Variants in C2orf78 observed in about 807,000 individuals in gnomAD.
C2orf78 encodes chromosome 2 open reading frame 78.
A neutral mutation model predicts 21.4 loss-of-function variants in C2orf78; 12 were observed. The ratio of observed to expected loss-of-function variants is 0.56; its 90% CI spans 0.36 to 0.91. The LOEUF (loss-of-function observed/expected upper bound fraction) is 0.91, where lower values mean the gene tolerates loss of function less well. Ranked by LOEUF, C2orf78 falls within the 40% of genes least tolerant of loss-of-function variation. The pLI is 0.01. For missense variants in C2orf78, 1,042 were observed against 1,092.4 expected (o/e 0.95, Z 0.65); for synonymous variants, 396 against 413.9 (o/e 0.96, Z 0.52).
Position 73,816,099 on chromosome 2 carries a change from C to T in C2orf78, c.1876C>T (p.Leu626=), listed in dbSNP as rs1673189963. ...GACCCTTAAAAAGCCCCGAAGCTCCCTAGGCATGCACATGCTAGAGTCCGT... is the reference window on the plus strand; with the variant it reads ...GACCCTTAAAAAGCCCCGAAGCTCCTTAGGCATGCACATGCTAGAGTCCGT... The change falls in exon 3 of 3, where the codon CTA becomes TTA. Residue 626 remains leucine (L), a synonymous_variant. Coordinates refer to ENST00000409561, the Ensembl canonical transcript of C2orf78. 3.7e-6 allele frequency: 6 copies of T among 1,613,912 alleles called. No homozygotes were observed. In the East Asian group the frequency reaches 1.3e-4, roughly 36 times the overall value.
chr2:73,811,484 T>G (rs551595936), intron 1 of C2orf78, among the ~76,000 whole-genome samples: 6 of 152,186 alleles, frequency 3.9e-5, no homozygotes, highest in Non-Finnish European at 7.4e-5. Flanking sequence ...GAACAATACC[T>G]TTGCATGAAA....
At chr2:73,811,760 G>T (rs1401694773) in intron 1 of C2orf78, among the ~76,000 whole-genome samples, 1 of 151,922 alleles carries the variant, frequency 6.6e-6, no homozygotes, top group Non-Finnish European at 1.5e-5. Context: ...CGTTGGAGAT[G>T]ATTATAATCT....
chr2:73,814,014 A>G, exon 2 of C2orf78: 7 of 1,614,010 alleles, frequency 4.3e-6, no homozygotes, highest in Non-Finnish European at 5.9e-6. Context: ...AGCCAGGTCT[A>G]TTACTATAAT....
At chr2:73,813,288 T>C (rs903626008) in intron 1 of C2orf78, among the ~76,000 whole-genome samples, 189 bp from the exon 2 acceptor site, 2 of 152,158 alleles carry the variant, frequency 1.3e-5, no homozygotes, top group East Asian at 3.8e-4. Context: ...ACAAAGACAG[T>C]TCATCAGAAG....
At chr2:73,810,740 A>G (rs1448976925) in intron 1 of C2orf78, among the ~76,000 whole-genome samples, 1 of 132,482 alleles carries the variant, frequency 7.5e-6, no homozygotes, top group Non-Finnish European at 1.6e-5. Flanking sequence ...CATAAAATAT[A>G]CATGTATATT....
At chr2:73,810,695 T>TTA (rs968106746) in intron 1 of C2orf78, among the ~76,000 whole-genome samples, 13 of 132,698 alleles carry the variant, frequency 9.8e-5, no homozygotes, top group African/African-American at 1.4e-4. Context: ...CATATATATT[T>TTA]TATATATATA....
exon 1 of C2orf78, chr2:73,784,385 T>C (rs1310377538): frequency 2.1e-5 from 24 of 1,164,336 alleles, no homozygotes; most frequent in Non-Finnish European, 2.9e-5. Context: ...AGTTGATGTT[T>C]CTTCTTCTCT....
At chr2:73,810,811 G>A (rs1231987823) in intron 1 of C2orf78, among the ~76,000 whole-genome samples, 1 of 70,702 alleles carries the variant, frequency 1.4e-5, no homozygotes, top group East Asian at 4.6e-4. Flanking sequence ...TAATATACAT[G>A]TATAATTAAT....
chr2:73,814,254 G>A lies in C2orf78; in HGVS notation c.847+28G>A, dbSNP rs746535103. On this transcript the variant is annotated intron_variant, in intron 2 of 2. Coordinates refer to ENST00000409561, the Ensembl canonical transcript of C2orf78. Reference sequence around the variant, plus strand: ...GAGTACAAACATCAAGAAAGGAGAGGAATAATGTCAGCGTTGAAAAGGAGG... The same window carrying A: ...GAGTACAAACATCAAGAAAGGAGAGAAATAATGTCAGCGTTGAAAAGGAGG... The A allele has an allele frequency of 2.6e-6, 4 of 1,528,522 alleles. No homozygotes were observed. The South Asian group carries it at 5.1e-5, about 20-fold the overall frequency. 94.7% of individuals were successfully genotyped at this position (1,528,522 alleles called of 1,614,324 possible). A position where few individuals can be genotyped will look rare whatever the true frequency, so the allele number is the denominator to read the frequency against.
intron 1 of C2orf78, among the ~76,000 whole-genome samples, chr2:73,812,028 T>TTTCTTACATACTTTTTGC (rs1159065588): frequency 6.6e-6 from 1 of 152,226 alleles, no homozygotes; most frequent in Admixed American, 6.5e-5. Flanking sequence ...CATTTTTCTG[T>TTTCTTACATACTTTTTGC]TTCTTACATA....
intron 1 of C2orf78, among the ~76,000 whole-genome samples, chr2:73,785,921 G>A (rs567912038): frequency 7.9e-5 from 12 of 151,894 alleles, no homozygotes; most frequent in Non-Finnish European, 1.3e-4. Context: ...TGGCACATGC[G>A]TGTAATCCCA....
In C2orf78 at chr2:73,810,785, G is replaced by A. The variant is rs540200937; in HGVS notation, c.98-2692G>A. On this transcript the variant is annotated intron_variant, in intron 1 of 2. Transcript: ENST00000409561. The stretch of plus-strand genomic sequence containing the variant: ...TATAATATATATATAAAATATACAT[G>A]TATATTTTATATATATAATATACAT... Among the ~76,000 whole-genome samples, 406 of 110,288 alleles carry A rather than the reference G, an allele frequency of 3.7e-3. 7 individuals are homozygous for A. The highest frequency in any genetic ancestry group is 0.013 in the African/African-American group (388 of 29,474). 72.4% of individuals were successfully genotyped at this position (110,288 alleles called of 152,430 possible). A position where few individuals can be genotyped will look rare whatever the true frequency, so the allele number is the denominator to read the frequency against.
At chr2:73,813,823 T>C (rs778904821) in exon 2 of C2orf78, 1 of 1,614,036 alleles carries the variant, frequency 6.2e-7, no homozygotes, top group Non-Finnish European at 8.5e-7. Context: ...TCACTGTGAC[T>C]GTCATTGATC....
intron 2 of C2orf78, 49 bp from the exon 3 acceptor site, chr2:73,815,022 G>A: frequency 6.5e-7 from 1 of 1,544,030 alleles, no homozygotes; most frequent in Non-Finnish European, 8.8e-7. Flanking sequence ...GTGTGTAGGG[G>A]GAGCATCTCA....
intron 1 of C2orf78, among the ~76,000 whole-genome samples, chr2:73,809,795 TAAAC>T (rs1308074773): frequency 6.6e-6 from 1 of 151,968 alleles, no homozygotes; most frequent in Non-Finnish European, 1.5e-5. Flanking sequence ...AAGAAACAAA[TAAAC>T]AAACAAAAGT....
chr2:73,810,742 A>T (rs1257711901), intron 1 of C2orf78, among the ~76,000 whole-genome samples: 4 of 131,732 alleles, frequency 3.0e-5, no homozygotes, highest in African/African-American at 1.1e-4. Flanking sequence ...TAAAATATAC[A>T]TGTATATTTT....
chr2:73,785,498 T>C (rs1251308975), intron 1 of C2orf78, among the ~76,000 whole-genome samples: 1 of 136,664 alleles, frequency 7.3e-6, no homozygotes, highest in East Asian at 2.1e-4. Context: ...AATGACAAAA[T>C]GATTTTAAAA....
chr2:73,816,278 G>A, exon 3 of C2orf78: 1 of 1,613,896 alleles, frequency 6.2e-7, no homozygotes, highest in South Asian at 1.1e-5. Flanking sequence ...AAGGCCCGGA[G>A]AAAATTCAAG....
chr2:73,816,330 A>G (rs1309954145), exon 3 of C2orf78: 1 of 1,613,894 alleles, frequency 6.2e-7, no homozygotes, highest in South Asian at 1.1e-5. Context: ...AAAAGAGTGT[A>G]CATCTCCATC....
Sources: allele counts gnomAD v4.1 joint callset (sites outside exome capture counted in the v4.1 genomes callset), GRCh38; gene constraint gnomAD v4.1.1; transcripts MANE v1.5; gene names NCBI Gene and HGNC (gene_info 2026-07-23, HGNC 2026-07-21).